Variants in PRPF31 observed in about 807,000 individuals in gnomAD.
PRPF31 encodes pre-mRNA processing factor 31.
PRPF31 carries 12 observed loss-of-function variants against 60.4 expected under a neutral mutation model. The observed-to-expected ratio is 0.20, with a 90% CI of 0.13 to 0.32. PRPF31 has a LOEUF of 0.32. Among genes scored for constraint, PRPF31 ranks in the 10% least tolerant of loss-of-function variants. The pLI is 1.00. For missense variants in PRPF31, 431 were observed against 687.1 expected (o/e 0.63, Z 4.17); for synonymous variants, 287 against 287.9 (o/e 1.00, Z 0.03).
At chr19:54,124,439 C>T in intron 7 of PRPF31, 60 bp from the exon 8 acceptor site, 1 of 1,404,058 alleles carries the variant, frequency 7.1e-7, no homozygotes, top group East Asian at 2.3e-5. Context: ...CAGATTTACT[C>T]ACCCCCACCT....
chr19:54,119,183 C>A (rs1209297177), intron 3 of PRPF31, among the ~76,000 whole-genome samples: 1 of 151,998 alleles, frequency 6.6e-6, no homozygotes, highest in Non-Finnish European at 1.5e-5. Flanking sequence ...GAGATCGAGA[C>A]CATCCTGGCT....
At chr19:54,118,776 TC>T in intron 3 of PRPF31, 143 bp downstream of exon 3, 1 of 746,020 alleles carries the variant, frequency 1.3e-6, no homozygotes, top group Non-Finnish European at 2.2e-6. Context: ...CCCAACCCGT[TC>T]CCTTTTCCAC....
chr19:54,123,288 G>A, intron 5 of PRPF31, 166 bp from the exon 6 acceptor site: 1 of 685,782 alleles, frequency 1.5e-6, no homozygotes. Flanking sequence ...GTGGAGGCAG[G>A]AATGGTGTGG....
At chr19:54,125,510 ACAAG>A (rs67173343) in intron 8 of PRPF31, among the ~76,000 whole-genome samples, 4,279 of 149,336 alleles carry the variant, frequency 0.029, 306 homozygotes, top group East Asian at 0.28. Context: ...AAAAAAAAAA[ACAAG>A]CAAGACAGGT....
chr19:54,119,872 G>A (rs191316077), intron 3 of PRPF31: 10 of 152,282 alleles, frequency 6.6e-5, no homozygotes, highest in Non-Finnish European at 1.3e-4. Flanking sequence ...TGTAGTGAGA[G>A]GGCAGAGTTT....
Position 54,124,752 on chromosome 19 carries a change from G to C in PRPF31, c.855+96G>C, listed in dbSNP as rs1448450099. The C allele has an allele frequency of 2.1e-6, 3 of 1,421,030 alleles. No individual in the cohort carries two copies. The Admixed American group carries it at 5.1e-5, about 24-fold the overall frequency. The allele number at this position is 1,421,030 out of a possible 1,614,324, so 88.0% of individuals were successfully genotyped here. ...CAGCCACCCACCATCTGGCCCAGCT[G>C]ACGGTAGCACTCAGGAGCTGGGAAC... is the stretch of plus-strand genomic sequence containing the variant. On this transcript the variant is annotated intron_variant, in intron 8 of 13. Transcript: ENST00000321030.
intron 3 of PRPF31, 55 bp from the exon 4 acceptor site, chr19:54,121,804 AC>A: frequency 1.3e-6 from 2 of 1,519,748 alleles, no homozygotes; most frequent in South Asian, 1.2e-5. Flanking sequence ...CAGCTGCGGG[AC>A]CCGAGAGGGG....
intron 8 of PRPF31, 42 bp from the exon 9 acceptor site, chr19:54,126,486 T>C: frequency 2.5e-6 from 4 of 1,585,948 alleles, no homozygotes; most frequent in Non-Finnish European, 3.4e-6. Flanking sequence ...CCTCTGTCTG[T>C]CTGTCTCACA....
At chr19:54,125,697 G>GT (rs1234551129) in intron 8 of PRPF31, among the ~76,000 whole-genome samples, 5 of 151,972 alleles carry the variant, frequency 3.3e-5, no homozygotes, top group Non-Finnish European at 5.9e-5. Context: ...CCTGTGTGGG[G>GT]TTTTTTTTGT....
chr19:54,127,902 G>A (rs2073956932), intron 9 of PRPF31, among the ~76,000 whole-genome samples, 171 bp from the exon 10 acceptor site: 1 of 152,228 alleles, frequency 6.6e-6, no homozygotes, highest in Non-Finnish European at 1.5e-5. Context: ...TCTGTCCTGC[G>A]TCTAGCGGTG....
intron 3 of PRPF31, 82 bp from the exon 4 acceptor site, chr19:54,121,778 C>A: frequency 1.4e-6 from 2 of 1,381,056 alleles, no homozygotes; most frequent in Non-Finnish European, 2.0e-6. Context: ...CTCCCAACTT[C>A]ATCCTCCGCC....
intron 4 of PRPF31, 177 bp from the exon 5 acceptor site, chr19:54,122,320 C>A: frequency 1.3e-6 from 1 of 744,348 alleles, no homozygotes; most frequent in Non-Finnish European, 2.5e-6. Flanking sequence ...AGAACTAATT[C>A]CCCTGGTCAC....
chr19:54,122,797 G>A (rs1184234292), intron 5 of PRPF31: 2 of 655,556 alleles, frequency 3.1e-6, no homozygotes, highest in East Asian at 2.7e-5. Flanking sequence ...AGTCTCCCGA[G>A]AGGGCTTCCC....
chr19:54,128,083 A>T lies in PRPF31; in HGVS notation c.956A>T (p.Glu319Val), dbSNP rs1218417233. The T allele has an allele frequency of 3.9e-6, 6 of 1,548,704 alleles. No individual in the cohort carries two copies. Among genetic ancestry groups the T allele is most frequent in the African/African-American group, 1.4e-5 (1 of 73,068 alleles). Reference sequence around the variant, plus strand: ...CCTCGCCCTCCCCAGGTGGGCTACGAACTGAAGGATGAGATCGAGCGCAAA... The same window carrying T: ...CCTCGCCCTCCCCAGGTGGGCTACGTACTGAAGGATGAGATCGAGCGCAAA... ...HESTEGKVGY[E>V]LKDEIERKFD... The change falls in exon 10 of 14, where the codon GAA becomes GTA. Residue 319 changes from glutamate (E) to valine (V), a missense_variant. Transcript: ENST00000321030.
intron 9 of PRPF31, among the ~76,000 whole-genome samples, chr19:54,127,722 G>A (rs10853869): frequency 0.31 from 47,190 of 151,936 alleles, 7,646 homozygotes; most frequent in African/African-American, 0.39. Context: ...CCAAGCACCC[G>A]GCCTGGCACA....
At chr19:54,124,689 C>G (rs764874802) in intron 8 of PRPF31, 33 bp downstream of exon 8, 3 of 1,604,808 alleles carry the variant, frequency 1.9e-6, no homozygotes, top group Non-Finnish European at 2.5e-6. Flanking sequence ...CCTCCCCCGG[C>G]CCCCCTGGAG....
At chr19:54,123,097 T>C (rs1445625347) in intron 5 of PRPF31, 7 of 488,748 alleles carry the variant, frequency 1.4e-5, no homozygotes, top group African/African-American at 1.4e-4. Flanking sequence ...CCCACGCATG[T>C]CCAGGAAAGG....
At chr19:54,120,452 C>T (rs909530235) in intron 3 of PRPF31, 6 of 152,164 alleles carry the variant, frequency 3.9e-5, no homozygotes, top group African/African-American at 1.2e-4. Flanking sequence ...GATTCTGAGT[C>T]GCTGCCTGAG....
At chr19:54,126,002 T>C (rs2073912542) in intron 8 of PRPF31, among the ~76,000 whole-genome samples, 1 of 152,346 alleles carries the variant, frequency 6.6e-6, no homozygotes, top group South Asian at 2.1e-4. Flanking sequence ...ACCACAGGCC[T>C]GTAAGGGAGG....
Sources: gnomAD v4.1 joint callset for allele counts (sites outside exome capture counted in the v4.1 genomes callset) on GRCh38, gnomAD v4.1.1 for gene constraint, MANE v1.5 for transcripts, NCBI Gene and HGNC (gene_info 2026-07-23, HGNC 2026-07-21) for gene names.